The following ITGAL variants were observed in gnomAD, a reference collection of about 807,000 sequenced individuals.
ITGAL encodes integrin alpha-L.
ITGAL carries 68 observed loss-of-function variants against 138.4 expected under a neutral mutation model. That is an observed-to-expected ratio of 0.49 (90% CI 0.40 to 0.60). The LOEUF is 0.60. Among genes scored for constraint, ITGAL ranks in the 20% least tolerant of loss-of-function variants. The pLI is 0.00. For synonymous variants in ITGAL, 561 were observed against 584.3 expected, an observed-to-expected ratio of 0.96 and a Z score of 0.57; for missense variants, 1,256 against 1,478.6, an observed-to-expected ratio of 0.85 and a Z score of 2.47.
chr16:30,477,209 T>C (rs1406584415), intron 4 of ITGAL: 1 of 152,140 alleles, frequency 6.6e-6, no homozygotes, highest in Non-Finnish European at 1.5e-5. Context: ...TTAGCTACTA[T>C]TATAGCCAGG....
rs779265735 is a variant in ITGAL at position 30,494,752 on chromosome 16, G to A, written c.1405G>A (p.Val469Met). The change falls in exon 13 of 31, where the codon GTG (valine) becomes ATG (methionine). Residue 469 changes from valine to methionine, a missense_variant. This residue lies in a region of ITGAL where 867 missense variants were observed against 972.5 expected (regional missense o/e 0.89). Transcript: ENST00000356798. The surrounding 1 kb of genome is among the most constrained non-coding windows in gnomAD (Gnocchi z 4.2). The part of the protein sequence containing the change: ...YFGGELCGVD[V>M]DQDGETELLL... ...CGGTGGGGAGCTGTGTGGCGTCGAC[G>A]TGGACCAAGATGGGGAGACAGAGCT... The A allele has an allele frequency of 1.6e-5, 26 of 1,612,984 alleles. No homozygotes were observed. Among genetic ancestry groups the A allele is most frequent in the African/African-American group, 6.7e-5 (5 of 74,886 alleles).
chr16:30,503,974 GGAT>G (rs2050945461), intron 17 of ITGAL, 198 bp from the exon 18 acceptor site: 1 of 475,052 alleles, frequency 2.1e-6, no homozygotes, highest in African/African-American at 2.0e-5. Flanking sequence ...CGGGGCTCAG[GGAT>G]GATAACTGTG....
rs2050845477 is a variant in ITGAL at position 30,499,060 on chromosome 16, C to T, written c.1833-14C>T. On this transcript the variant is annotated splice_polypyrimidine_tract_variant and intron_variant, in intron 15 of 30. Transcript: ENST00000356798. Reference sequence around the variant, plus strand: ...GGGTTGGAGGGAGAGAGTTGGTTGCCTTCTGCCCTGCAGCTCCCGGCCCGT... The same window carrying T: ...GGGTTGGAGGGAGAGAGTTGGTTGCTTTCTGCCCTGCAGCTCCCGGCCCGT... 6.2e-7 allele frequency: 1 copy of T among 1,612,604 alleles called. No homozygotes were observed. The highest frequency in any genetic ancestry group is 1.7e-5 in the Admixed American group (1 of 59,740).
intron 10 of ITGAL, 28 bp downstream of exon 10, chr16:30,489,183 G>T (rs1484600986): frequency 1.2e-6 from 2 of 1,613,700 alleles, no homozygotes; most frequent in Non-Finnish European, 8.5e-7. Context: ...GCAATGGGCT[G>T]CAGGGAGTGC....
intron 24 of ITGAL, 30 bp downstream of exon 24, chr16:30,511,166 T>G: frequency 2.6e-6 from 4 of 1,558,948 alleles, no homozygotes; most frequent in South Asian, 2.2e-5. Context: ...CAGCCAACCC[T>G]CTCCTCCCAC....
intron 21 of ITGAL, among the ~76,000 whole-genome samples, chr16:30,507,486 A>C (rs921282567): frequency 2.0e-5 from 3 of 151,028 alleles, no homozygotes; most frequent in Non-Finnish European, 4.4e-5. Flanking sequence ...AAAACAAAAA[A>C]AAAACCCACA....
chr16:30,496,069 G>C (rs368204489), intron 13 of ITGAL, 28 bp from the exon 14 acceptor site: 2 of 1,585,284 alleles, frequency 1.3e-6, no homozygotes, highest in African/African-American at 2.7e-5. Flanking sequence ...AGTGACTTGG[G>C]TGTGACCTGT....
At chr16:30,497,670 G>T (rs1310431292) in intron 15 of ITGAL, among the ~76,000 whole-genome samples, 1 of 151,784 alleles carries the variant, frequency 6.6e-6, no homozygotes, top group African/African-American at 2.4e-5. Context: ...GTAGAGACGG[G>T]GTTTCGCCAT....
At chr16:30,504,329 G>A (rs536464514) in intron 18 of ITGAL, 65 bp downstream of exon 18, 23 of 1,247,088 alleles carry the variant, frequency 1.8e-5, no homozygotes, top group Admixed American at 1.7e-4. Flanking sequence ...AAGAAGAGCC[G>A]CCCATGGCCG....
At position 30,510,721 on chromosome 16, in the gene ITGAL, T is replaced by G. The variant is rs145834433; in HGVS notation, c.2620-160T>G. Among the ~76,000 whole-genome samples, 133 of 152,234 alleles carry G rather than the reference T, an allele frequency of 8.7e-4. 2 individuals are homozygous for G. Among genetic ancestry groups the G allele is most frequent in the African/African-American group, 3.0e-3 (126 of 41,548 alleles). On this transcript the variant is annotated intron_variant, in intron 22 of 30. Coordinates refer to ENST00000356798, the MANE Select transcript of ITGAL (RefSeq NM_002209.3). ...GACATAACTTAACCGTCTGGAGCCT[T>G]GGTTGCCTCATCTTTGCAATGGGTA... is the stretch of plus-strand genomic sequence containing the variant.
intron 11 of ITGAL, among the ~76,000 whole-genome samples, chr16:30,492,590 T>C (rs886074717): frequency 2.1e-5 from 3 of 146,300 alleles, no homozygotes; most frequent in Non-Finnish European, 3.0e-5. Context: ...GGAGTCTTGC[T>C]CTGTCACCCA....
At chr16:30,489,442 T>C in intron 11 of ITGAL, 56 bp downstream of exon 11, 2 of 1,574,422 alleles carry the variant, frequency 1.3e-6, no homozygotes, top group South Asian at 1.1e-5. Context: ...AGATGGTCGC[T>C]CAGCCTGGCT....
chr16:30,479,162 C>T lies in ITGAL; in HGVS notation c.399C>T (p.Arg133=), dbSNP rs760751658. Residue 133 remains arginine, a synonymous_variant, in exon 5 of 31, where the codon CGC becomes CGT. Transcript: ENST00000356798. ...TGAGTGGCCTGTGTTACCTCTTCCG[C>T]CAGAATCTGCAGGGTCCCATGCTGC... is the stretch of plus-strand genomic sequence containing the variant. ...TYLSGLCYLF[R]QNLQGPMLQG... is the part of the protein sequence containing the mutation. 298 of 1,613,954 alleles carry T rather than the reference C, an allele frequency of 1.8e-4. 4 individuals carry two copies. In the Admixed American group the frequency reaches 4.9e-3, roughly 27 times the overall value.
chr16:30,503,562 G>C, intron 17 of ITGAL, among the ~76,000 whole-genome samples: 1 of 149,004 alleles, frequency 6.7e-6, no homozygotes, highest in Non-Finnish European at 1.5e-5. Flanking sequence ...AGGGAGGGAG[G>C]CAGGCAAGGA....
chr16:30,496,446 G>A lies in ITGAL; in HGVS notation c.1712G>A (p.Gly571Glu). The A allele has an allele frequency of 1.2e-6, 2 of 1,613,784 alleles. No individual in the cohort carries two copies. Among genetic ancestry groups the A allele is most frequent in the East Asian group, 4.5e-5 (2 of 44,882 alleles). Reference protein sequence around the residue: ...LSPQPSQRIEGTQVLSGIQWF... With the variant: ...LSPQPSQRIEETQVLSGIQWF... ...CTTTCTTGCTCTCAGCGGATAGAAG[G>A]GACCCAAGTGCTCTCAGGAATTCAG... is the stretch of plus-strand genomic sequence containing the variant. Residue 571 changes from glycine (G) to glutamate (E), a missense_variant, in exon 15 of 31, where the codon GGG becomes GAG. This residue lies in a region of ITGAL where 867 missense variants were observed against 972.5 expected (regional missense o/e 0.89). Coordinates refer to ENST00000356798, the MANE Select transcript of ITGAL (RefSeq NM_002209.3).
At position 30,481,473 on chromosome 16, in the gene ITGAL, CAG is replaced by C; in HGVS notation, c.613_614del (p.Glu205IlefsTer2). On this transcript the variant is annotated frameshift_variant, in exon 7 of 31. Transcript: ENST00000356798. LOFTEE classifies it high-confidence loss of function. ...GTTCAGTTTTCCACAAGCTACAAAACAGAATTTGATTTCTCAGATTATGTTAA... is the reference window on the plus strand; with the variant it reads ...GTTCAGTTTTCCACAAGCTACAAAACAATTTGATTTCTCAGATTATGTTAA... 6.2e-7 allele frequency: 1 copy of C among 1,609,710 alleles called. No individual in the cohort carries two copies. The highest frequency in any genetic ancestry group is 8.5e-7 in the Non-Finnish European group (1 of 1,177,652).
At chr16:30,477,995 A>C (rs1401197058) in intron 4 of ITGAL, among the ~76,000 whole-genome samples, 1 of 151,244 alleles carries the variant, frequency 6.6e-6, no homozygotes. Flanking sequence ...ATAGGAAGGA[A>C]GGAAGAAGAA....
At chr16:30,489,779 T>C (rs2050698882) in intron 11 of ITGAL, among the ~76,000 whole-genome samples, 1 of 151,526 alleles carries the variant, frequency 6.6e-6, no homozygotes, top group South Asian at 2.1e-4. Flanking sequence ...CTACTAAAAA[T>C]ACAAAAGTTA....
Position 30,479,160 on chromosome 16 carries a change from C to T in ITGAL, c.397C>T (p.Arg133Cys), listed in dbSNP as rs768038639. ...TYLSGLCYLF[R>C]QNLQGPMLQG... is the part of the protein sequence containing the mutation. ...TCTGAGTGGCCTGTGTTACCTCTTC[C>T]GCCAGAATCTGCAGGGTCCCATGCT... Residue 133 changes from arginine to cysteine, a missense_variant, in exon 5 of 31, where the codon CGC (arginine) becomes TGC (cysteine). Arg to Cys is a radical substitution (Grantham distance 180). Coordinates refer to ENST00000356798, the MANE Select transcript of ITGAL (RefSeq NM_002209.3). 71 of 1,614,038 alleles carry T rather than the reference C, an allele frequency of 4.4e-5. 1 individual carries two copies. The highest frequency in any genetic ancestry group is 1.6e-4 in the Middle Eastern group (1 of 6,084).
Sources: allele counts gnomAD v4.1 joint callset (sites outside exome capture counted in the v4.1 genomes callset), GRCh38; gene constraint gnomAD v4.1.1; regional missense constraint gnomAD v4.1.1; non-coding constraint Gnocchi (gnomAD v3.1); transcripts MANE v1.5; gene names NCBI Gene and HGNC (gene_info 2026-07-23, HGNC 2026-07-21).